OSBPL3: variants seen among roughly 807,000 people sequenced by gnomAD.
OSBPL3 encodes the protein oxysterol binding protein like 3.
A neutral mutation model predicts 120.1 loss-of-function variants in OSBPL3; 65 were observed. The ratio of observed to expected loss-of-function variants is 0.54; its 90% CI spans 0.44 to 0.67. The LOEUF is 0.67. Among genes scored for constraint, OSBPL3 ranks in the 30% least tolerant of loss-of-function variants. The pLI is 0.00. For missense variants in OSBPL3, 1,004 were observed against 1,082.1 expected (o/e 0.93, Z 1.01); for synonymous variants, 416 against 402.6 (o/e 1.03, Z -0.40).
At chr7:24,816,373 A>C (rs1332969992) in intron 18 of OSBPL3, among the ~76,000 whole-genome samples, 2 of 152,220 alleles carry the variant, frequency 1.3e-5, no homozygotes, top group East Asian at 3.8e-4. Context: ...ATGAGTTTTT[A>C]ATAAGCATCT....
rs1378028447 is a variant in OSBPL3, at chr7:24,802,990, T to C, written c.2567+1325A>G. Among the ~76,000 whole-genome samples, 1 of 152,218 alleles carries C rather than the reference T, an allele frequency of 6.6e-6. No individual in the cohort carries two copies. The highest frequency in any genetic ancestry group is 1.9e-4 in the East Asian group (1 of 5,194). On this transcript the variant is annotated intron_variant, in intron 22 of 22. Coordinates refer to ENST00000313367, the MANE Select transcript of OSBPL3 (RefSeq NM_015550.4). The surrounding 1 kb of genome is among the most constrained non-coding windows in gnomAD (Gnocchi z 4.1). ...ATTTTCCATCACTAATATCTTGAAT[T>C]TGTGGAAATGATCAGAAGGGATCTA...
intron 5 of OSBPL3, among the ~76,000 whole-genome samples, chr7:24,868,316 C>CA (rs897873679): frequency 8.3e-5 from 9 of 107,850 alleles, no homozygotes; most frequent in East Asian, 7.9e-4. Context: ...GACTCCGTCT[C>CA]AAAAAAAAGA....
At position 24,940,370 on chromosome 7, in the gene OSBPL3, T is replaced by C. The variant is rs1298067261; in HGVS notation, c.-150+39516A>G. On this transcript the variant is annotated intron_variant, in intron 1 of 22. Coordinates refer to ENST00000313367, the MANE Select transcript of OSBPL3 (RefSeq NM_015550.4). This position sits in a 1 kb window ranked among gnomAD's most constrained non-coding sequence, Gnocchi z 4.4. ...GAAGATCAGGAGGTGTAGAAATTAC[T>C]GGTACCAATGACAGATCATCAAAAG... Among the ~76,000 whole-genome samples the C allele has an allele frequency of 6.6e-6, 1 of 152,170 alleles. No homozygotes were observed. Among genetic ancestry groups the C allele is most frequent in the Non-Finnish European group, 1.5e-5 (1 of 68,030 alleles).
Position 24,894,237 on chromosome 7 carries a change from A to G in OSBPL3, c.-149-1616T>C, listed in dbSNP as rs1805796264. Among the ~76,000 whole-genome samples, 1 of 152,232 alleles carries G rather than the reference A, an allele frequency of 6.6e-6. No homozygotes were observed. The highest frequency in any genetic ancestry group is 2.4e-5 in the African/African-American group (1 of 41,470). On this transcript the variant is annotated intron_variant, in intron 1 of 22. Coordinates refer to ENST00000313367, the MANE Select transcript of OSBPL3 (RefSeq NM_015550.4). The surrounding 1 kb of genome is among the most constrained non-coding windows in gnomAD (Gnocchi z 4.1). Reference sequence around the variant, plus strand: ...TACAAAATCTCAGAAAATGAAATTAAGGTGCCCAGAGCCATAGAGCTCAAT... The same window carrying G: ...TACAAAATCTCAGAAAATGAAATTAGGGTGCCCAGAGCCATAGAGCTCAAT...
In OSBPL3 at chr7:24,830,905, C is replaced by T. The variant is rs1033045512; in HGVS notation, c.1747G>A (p.Val583Ile). 5.0e-6 allele frequency: 8 copies of T among 1,598,786 alleles called. No individual in the cohort carries two copies. The South Asian group carries it at 5.7e-5, about 11-fold the overall frequency. Reference protein sequence around the residue: ...AQIPSPLERMVYVAAFAISAY... With the variant: ...AQIPSPLERMIYVAAFAISAY... The stretch of plus-strand genomic sequence containing the variant: ...GATATGGCAAAGGCTGCCACATATA[C>T]CTAAGGACAAGAGAAAAGAACTTTG... Residue 583 changes from valine to isoleucine, a missense_variant and splice_region_variant, in exon 16 of 23, where the codon GTA becomes ATA. Physicochemically the swap from Val to Ile is conservative, Grantham distance 29. Transcript: ENST00000313367. This position sits in a 1 kb window ranked among gnomAD's most constrained non-coding sequence, Gnocchi z 4.4.
intron 1 of OSBPL3, among the ~76,000 whole-genome samples, chr7:24,895,079 A>G (rs868655598): frequency 3.9e-5 from 6 of 152,154 alleles, no homozygotes; most frequent in Admixed American, 6.5e-5. Context: ...CCGGGGAAAT[A>G]TATCTATTTC....
rs1243552899 is a variant in OSBPL3 at position 24,841,075 on chromosome 7, T to G, written c.1402-292A>C. 3.3e-5 allele frequency among the ~76,000 whole-genome samples: 5 copies of G among 152,198 alleles called. No individual in the cohort carries two copies. In the East Asian group the frequency reaches 9.6e-4, roughly 29 times the overall value. On this transcript the variant is annotated intron_variant, in intron 13 of 22. Transcript: ENST00000313367. ...ATTCTGACTGCATTTTTAGAATTTA[T>G]TAGTGTTTGAGTAGAAGAAGTTACA...
At position 24,834,534 on chromosome 7, in the gene OSBPL3, G is replaced by C; in HGVS notation, c.1698C>G (p.Ser566Arg). 1 of 1,613,962 alleles carries C rather than the reference G, an allele frequency of 6.2e-7. No homozygotes were observed. ...LQRLCEELEY[S>R]ELLDKAAQIP... ...TCTGCGCGGCCTTGTCCAGGAGCTC[G>C]CTGTACTCCAGCTCCTCGCAGAGCC... is the stretch of plus-strand genomic sequence containing the variant. The change falls in exon 15 of 23, where the codon AGC becomes AGG. Residue 566 changes from serine to arginine, a missense_variant. Physicochemically the swap from Ser to Arg is moderately radical, Grantham distance 110 (BLOSUM62 -1). Around this residue, in one of 4 missense-constraint regions of OSBPL3, gnomAD observed 473 missense variants for 568.0 expected, o/e 0.83. Transcript: ENST00000313367. The surrounding 1 kb of genome is among the most constrained non-coding windows in gnomAD (Gnocchi z 5.2).
chr7:24,931,072 G>A (rs1811730423), intron 1 of OSBPL3, among the ~76,000 whole-genome samples: 1 of 152,186 alleles, frequency 6.6e-6, no homozygotes, highest in Admixed American at 6.5e-5. Context: ...CAACAAGTCT[G>A]AACAGTCATT....
rs866123251 is a variant in OSBPL3 at position 24,891,861 on chromosome 7, G to A, written c.96+516C>T. ...TATAGATATAAAGCAGGTGAGTCTC[G>A]AAGCTACTAACAGGGCAATCTGTGG... On this transcript the variant is annotated intron_variant, in intron 2 of 22. Coordinates refer to ENST00000313367, the MANE Select transcript of OSBPL3 (RefSeq NM_015550.4). The surrounding 1 kb of genome is among the most constrained non-coding windows in gnomAD (Gnocchi z 4.1). Among the ~76,000 whole-genome samples the A allele has an allele frequency of 3.2e-4, 49 of 152,264 alleles. No individual in the cohort carries two copies. The highest frequency in any genetic ancestry group is 1.4e-3 in the Admixed American group (22 of 15,292).
intron 1 of OSBPL3, among the ~76,000 whole-genome samples, chr7:24,919,662 T>C (rs1022608283): frequency 1.8e-4 from 27 of 151,608 alleles, no homozygotes; most frequent in African/African-American, 4.8e-4. Flanking sequence ...AAGTGATAAA[T>C]TGGACTTCAT....
At chr7:24,974,908 T>C (rs947716112) in intron 1 of OSBPL3, among the ~76,000 whole-genome samples, 2 of 152,158 alleles carry the variant, frequency 1.3e-5, no homozygotes, top group African/African-American at 4.8e-5. Context: ...ATAAATGTTT[T>C]AAAATTATGG....
At chr7:24,886,349 A>C (rs1804530429) in intron 2 of OSBPL3, among the ~76,000 whole-genome samples, 1 of 152,248 alleles carries the variant, frequency 6.6e-6, no homozygotes, top group Non-Finnish European at 1.5e-5. Flanking sequence ...GACGTTCAAT[A>C]GAGTAGTTCC....
chr7:24,833,832 A>G lies in OSBPL3; in HGVS notation c.1746+654T>C, dbSNP rs898824201. Among the ~76,000 whole-genome samples, 1 of 152,160 alleles carries G rather than the reference A, an allele frequency of 6.6e-6. No homozygotes were observed. The highest frequency in any genetic ancestry group is 1.5e-5 in the Non-Finnish European group (1 of 68,022). On this transcript the variant is annotated intron_variant, in intron 15 of 22. Transcript: ENST00000313367. The surrounding 1 kb of genome is among the most constrained non-coding windows in gnomAD (Gnocchi z 4.4). ...TACTCCCTTCCCAATCTCCCTACCC[A>G]TGAGATGGGGGAAAGATGAGAAATA...
At chr7:24,962,364 G>C (rs971010829) in intron 1 of OSBPL3, among the ~76,000 whole-genome samples, 1 of 134,792 alleles carries the variant, frequency 7.4e-6, no homozygotes, top group Non-Finnish European at 1.6e-5. Context: ...GAAAGAAAAA[G>C]AAAAAGAAAG....
At chr7:24,911,345 A>G (rs1808793972) in intron 1 of OSBPL3, among the ~76,000 whole-genome samples, 1 of 152,212 alleles carries the variant, frequency 6.6e-6, no homozygotes, top group African/African-American at 2.4e-5. Context: ...ATTGGCAACC[A>G]CAGGCAGCAT....
At position 24,899,588 on chromosome 7, in the gene OSBPL3, C is replaced by A. The variant is rs1386192596; in HGVS notation, c.-149-6967G>T. On this transcript the variant is annotated intron_variant, in intron 1 of 22. Coordinates refer to ENST00000313367, the MANE Select transcript of OSBPL3 (RefSeq NM_015550.4). The surrounding 1 kb of genome is among the most constrained non-coding windows in gnomAD (Gnocchi z 4.0). ...TCTTTGTTACGGCATACATAGATTG[C>A]ACAGGCATATGAAATCTATACTCAC... Among the ~76,000 whole-genome samples, 1 of 152,120 alleles carries A rather than the reference C, an allele frequency of 6.6e-6. No individual in the cohort carries two copies. Among genetic ancestry groups the A allele is most frequent in the East Asian group, 1.9e-4 (1 of 5,204 alleles).
intron 5 of OSBPL3, among the ~76,000 whole-genome samples, chr7:24,868,342 T>A (rs1324844127): frequency 1.8e-4 from 11 of 62,710 alleles, no homozygotes; most frequent in East Asian, 1.9e-3. Context: ...AAAAAAAGTG[T>A]GTGTGTGTGT....
In OSBPL3 at chr7:24,831,430, A is replaced by G. The variant is rs1481731233; in HGVS notation, c.1747-525T>C. Among the ~76,000 whole-genome samples the G allele has an allele frequency of 6.6e-6, 1 of 152,252 alleles. No individual in the cohort carries two copies. The highest frequency in any genetic ancestry group is 2.4e-5 in the African/African-American group (1 of 41,460). The stretch of plus-strand genomic sequence containing the variant: ...CTGTGAGTCATTTCCTAAGCCTGGG[A>G]AACAAGCCACAGGATATAGTGACTT... On this transcript the variant is annotated intron_variant, in intron 15 of 22. Transcript: ENST00000313367. The surrounding 1 kb of genome is among the most constrained non-coding windows in gnomAD (Gnocchi z 4.0).
Sources: allele counts gnomAD v4.1 joint callset (sites outside exome capture counted in the v4.1 genomes callset), GRCh38; gene constraint gnomAD v4.1.1; regional missense constraint gnomAD v4.1.1; non-coding constraint Gnocchi (gnomAD v3.1); transcripts MANE v1.5; gene names NCBI Gene and HGNC (gene_info 2026-07-23, HGNC 2026-07-21).